The following TLR2 variants were observed in gnomAD, a reference collection of about 807,000 sequenced individuals.
TLR2 encodes toll like receptor 2.
A neutral mutation model predicts 9.1 loss-of-function variants in TLR2; 7 were observed. The observed-to-expected ratio is 0.77, with a 90% confidence interval of 0.44 to 1.44. The LOEUF (loss-of-function observed/expected upper bound fraction) is 1.44. TLR2 is among the 40% of genes most tolerant of loss of function. The pLI, the probability that TLR2 is intolerant of heterozygous loss-of-function variation, is 0.01. For missense variants in TLR2, 812 were observed against 904.6 expected (o/e 0.90, Z 1.31); for synonymous variants, 317 against 344.6 (o/e 0.92, Z 0.89).
chr4:153,707,551 A>G (rs559022506), downstream of TLR2, among the ~76,000 whole-genome samples: 9 of 152,152 alleles, frequency 5.9e-5, no homozygotes, highest in East Asian at 1.4e-3. Context: ...CACTGTCTCA[A>G]AAAAACAAAA....
chr4:153,691,205 T>C (rs1364563990), intron 2 of TLR2, among the ~76,000 whole-genome samples: 1 of 150,926 alleles, frequency 6.6e-6, no homozygotes, highest in Admixed American at 6.7e-5. Flanking sequence ...TTAGTTATTT[T>C]GGGGAGAATC....
At chr4:153,710,611 G>T, downstream of TLR2, 1 of 958,138 alleles carries the variant, frequency 1.0e-6, no homozygotes, top group Non-Finnish European at 1.6e-6. Flanking sequence ...TTAATTCTAT[G>T]TGCTCAATTA....
intron 2 of TLR2, among the ~76,000 whole-genome samples, chr4:153,697,803 T>C (rs1238425614): frequency 6.6e-6 from 1 of 152,192 alleles, no homozygotes; most frequent in Non-Finnish European, 1.5e-5. Flanking sequence ...TCATATTGTA[T>C]GGGTATGTTA....
At chr4:153,695,908 C>G (rs1736461346) in intron 2 of TLR2, among the ~76,000 whole-genome samples, 1 of 152,118 alleles carries the variant, frequency 6.6e-6, no homozygotes, top group Non-Finnish European at 1.5e-5. Context: ...CTACTTTTCC[C>G]AGTACCATTT....
chr4:153,690,478 A>AACACT (rs1309003244), intron 2 of TLR2, among the ~76,000 whole-genome samples: 5 of 152,224 alleles, frequency 3.3e-5, no homozygotes, highest in African/African-American at 7.2e-5. Context: ...ATCACCACAA[A>AACACT]ACACTGCAAA....
At position 153,702,888 on chromosome 4, in the gene TLR2, G is replaced by T. The variant is rs1737007146; in HGVS notation, c.-16-4G>T. Reference sequence around the variant, plus strand: ...TGACTTATTTGAACCTCTTTTATTTGTAGGTTGAAGCACTGGACAATGCCA... The same window carrying T: ...TGACTTATTTGAACCTCTTTTATTTTTAGGTTGAAGCACTGGACAATGCCA... On this transcript the variant is annotated splice_region_variant and splice_polypyrimidine_tract_variant and intron_variant, in intron 2 of 2. Coordinates refer to ENST00000642700, the MANE Select transcript of TLR2 (RefSeq NM_001318789.2). 2 of 1,564,784 alleles carry T rather than the reference G, an allele frequency of 1.3e-6. No individual in the cohort carries two copies. The highest frequency in any genetic ancestry group is 2.0e-5 in the Admixed American group (1 of 50,274).
intron 1 of TLR2, among the ~76,000 whole-genome samples, chr4:153,686,104 T>C (rs1331709920): frequency 6.6e-6 from 1 of 152,208 alleles, no homozygotes; most frequent in African/African-American, 2.4e-5. Context: ...ATAACATTAA[T>C]CCATTTATGA....
chr4:153,697,095 A>G (rs887825781), intron 2 of TLR2, among the ~76,000 whole-genome samples: 1 of 152,150 alleles, frequency 6.6e-6, no homozygotes, highest in Non-Finnish European at 1.5e-5. Flanking sequence ...CTGAATGGAT[A>G]TAAGAAAGTT....
At chr4:153,689,896 G>T (rs1168056736) in intron 2 of TLR2, among the ~76,000 whole-genome samples, 3 of 152,192 alleles carry the variant, frequency 2.0e-5, no homozygotes, top group Admixed American at 1.3e-4. Context: ...TGTGTTTGAT[G>T]GTTGTTGCTC....
chr4:153,702,799 TG>T, intron 2 of TLR2, 92 bp from the exon 3 acceptor site: 9 of 716,938 alleles, frequency 1.3e-5, no homozygotes, highest in South Asian at 1.9e-5. Context: ...TGTGTGTGTG[TG>T]TGTGTGTTAT....
chr4:153,690,953 G>A (rs1324243706), intron 2 of TLR2, among the ~76,000 whole-genome samples: 1 of 152,228 alleles, frequency 6.6e-6, no homozygotes, highest in African/African-American at 2.4e-5. Context: ...TTGTTCATCT[G>A]TATGAAGTCA....
At position 153,704,499 on chromosome 4, in the gene TLR2, G is replaced by A. The variant is rs1429292714; in HGVS notation, c.1592G>A (p.Gly531Asp). 1 of 1,613,918 alleles carries A rather than the reference G, an allele frequency of 6.2e-7. No individual in the cohort carries two copies. Among genetic ancestry groups the A allele is most frequent in the Non-Finnish European group, 8.5e-7 (1 of 1,179,962 alleles). Residue 531 changes from glycine to aspartate, a missense_variant, in exon 3 of 3, where the codon GGT (glycine) becomes GAT (aspartate). Gly to Asp is a moderately conservative substitution (Grantham distance 94). Coordinates refer to ENST00000642700, the MANE Select transcript of TLR2 (RefSeq NM_001318789.2). The stretch of plus-strand genomic sequence containing the variant: ...CACACACTGAAGACTTTGGAAGCTG[G>A]TGGCAATAACTTCATTTGCTCCTGT... ...SFHTLKTLEAGGNNFICSCEF... is the reference protein window; with the variant it reads ...SFHTLKTLEADGNNFICSCEF...
At chr4:153,692,870 A>G (rs1262245298) in intron 2 of TLR2, among the ~76,000 whole-genome samples, 3 of 152,244 alleles carry the variant, frequency 2.0e-5, no homozygotes, top group Admixed American at 2.0e-4. Flanking sequence ...TGAATTGACC[A>G]TGCAGATGGC....
At chr4:153,698,957 G>A (rs1736695317) in intron 2 of TLR2, among the ~76,000 whole-genome samples, 1 of 152,126 alleles carries the variant, frequency 6.6e-6, no homozygotes, top group Admixed American at 6.5e-5. Context: ...AAAGCTAACA[G>A]TAGACAAAAC....
chr4:153,685,183 T>TA (rs1393205771), intron 1 of TLR2, among the ~76,000 whole-genome samples: 5 of 152,236 alleles, frequency 3.3e-5, no homozygotes, highest in African/African-American at 1.2e-4. Flanking sequence ...GAAAACAACT[T>TA]ACAGCGTTTA....
rs776109420 is a variant in TLR2 at position 153,704,889 on chromosome 4, A to G, written c.1982A>G (p.Gln661Arg). The change falls in exon 3 of 3, where the codon CAG (glutamine) becomes CGG (arginine). Residue 661 changes from glutamine (Q) to arginine (R), a missense_variant. Coordinates refer to ENST00000642700, the MANE Select transcript of TLR2 (RefSeq NM_001318789.2). The part of the protein sequence containing the change: ...DAYWVENLMV[Q>R]ELENFNPPFK... Reference sequence around the variant, plus strand: ...TACTGGGTGGAGAACCTTATGGTCCAGGAGCTGGAGAACTTCAATCCCCCC... The same window carrying G: ...TACTGGGTGGAGAACCTTATGGTCCGGGAGCTGGAGAACTTCAATCCCCCC... 2 of 1,613,712 alleles carry G rather than the reference A, an allele frequency of 1.2e-6. No homozygotes were observed. Among genetic ancestry groups the G allele is most frequent in the South Asian group, 1.1e-5 (1 of 91,058 alleles).
Position 153,704,645 on chromosome 4 carries a change from C to A in TLR2, c.1738C>A (p.Leu580Ile), listed in dbSNP as rs752200378. 4 of 1,613,392 alleles carry A rather than the reference C, an allele frequency of 2.5e-6. No homozygotes were observed. The African/African-American group carries it at 5.3e-5, about 22-fold the overall frequency. The change falls in exon 3 of 3, where the codon CTC (leucine) becomes ATC (isoleucine). Residue 580 changes from leucine (L) to isoleucine (I), a missense_variant. Physicochemically the swap from Leu to Ile is conservative, Grantham distance 5. Transcript: ENST00000642700. ...TGGCCAGCAGGTTCAGGATGTCCGC[C>A]TCTCGGTGTCGGAATGTCACAGGAC... ...VRGQQVQDVRLSVSECHRTAL... is the reference protein window; with the variant it reads ...VRGQQVQDVRISVSECHRTAL...
chr4:153,691,586 A>G (rs4315760), intron 2 of TLR2, among the ~76,000 whole-genome samples: 134,370 of 151,992 alleles, frequency 0.88, 61,454 homozygotes, highest in East Asian at 1. Context: ...TTTATTTGAG[A>G]TTTATGGATT....
rs377625000 is a variant in TLR2 at position 153,699,345 on chromosome 4, A to G, written c.-16-3547A>G. On this transcript the variant is annotated intron_variant, in intron 2 of 2. Coordinates refer to ENST00000642700, the MANE Select transcript of TLR2 (RefSeq NM_001318789.2). ...CTCCATAACCAACTGAAAATTTGAC[A>G]TTGTTCTATACCTCTTAATTTGCAC... Among the ~76,000 whole-genome samples, 136 of 152,344 alleles carry G rather than the reference A, an allele frequency of 8.9e-4. 1 individual carries two copies. Among genetic ancestry groups the G allele is most frequent in the African/African-American group, 3.0e-3 (126 of 41,592 alleles).
Sources: allele counts gnomAD v4.1 joint callset (sites outside exome capture counted in the v4.1 genomes callset), GRCh38; gene constraint gnomAD v4.1.1; transcripts MANE v1.5; gene names NCBI Gene and HGNC (gene_info 2026-07-23, HGNC 2026-07-21).